LIMS1: variants seen among roughly 807,000 people sequenced by gnomAD.
LIMS1 encodes the protein LIM zinc finger domain containing 1.
In LIMS1, 18 loss-of-function variants were observed where a neutral mutation model predicts 44.1. The observed-to-expected ratio is 0.41, with a 90% confidence interval of 0.28 to 0.61. LIMS1 has a LOEUF of 0.61. Among genes scored for constraint, LIMS1 ranks in the 20% least tolerant of loss-of-function variants. The pLI, the probability that LIMS1 is intolerant of heterozygous loss-of-function variation, is 0.32. For missense variants in LIMS1, 201 were observed against 422.0 expected, an observed-to-expected ratio of 0.48 and a Z score of 4.59; for synonymous variants, 93 against 149.1, an observed-to-expected ratio of 0.62 and a Z score of 2.74.
intron 2 of LIMS1, among the ~76,000 whole-genome samples, chr2:108,666,185 G>A (rs1691747902): frequency 6.6e-6 from 1 of 152,192 alleles, no homozygotes; most frequent in Non-Finnish European, 1.5e-5. Flanking sequence ...GCCCCAGATT[G>A]CTTCACCTGT....
At chr2:108,643,115 G>T (rs1257125031) in intron 1 of LIMS1, among the ~76,000 whole-genome samples, 1 of 152,234 alleles carries the variant, frequency 6.6e-6, no homozygotes, top group Non-Finnish European at 1.5e-5. Flanking sequence ...GTGGGGTTCA[G>T]ACCTGTCCTG....
intron 1 of LIMS1, among the ~76,000 whole-genome samples, chr2:108,650,521 G>A (rs141457266): frequency 3.3e-5 from 5 of 151,692 alleles, no homozygotes; most frequent in African/African-American, 7.3e-5. Context: ...AGGTTCAGGC[G>A]ATTCTCCTGC....
intron 1 of LIMS1, among the ~76,000 whole-genome samples, chr2:108,542,139 A>G (rs1331334731): frequency 6.6e-6 from 1 of 152,242 alleles, no homozygotes; most frequent in East Asian, 1.9e-4. Flanking sequence ...ATAAATTCAC[A>G]AAACTTTGAG....
chr2:108,631,011 G>A (rs988909719), intron 1 of LIMS1, among the ~76,000 whole-genome samples: 2 of 152,192 alleles, frequency 1.3e-5, no homozygotes, highest in African/African-American at 4.8e-5. Context: ...AGCAGGGATG[G>A]AATTGTTTGA....
At chr2:108,667,829 T>C (rs1297881828) in intron 2 of LIMS1, among the ~76,000 whole-genome samples, 1 of 152,126 alleles carries the variant, frequency 6.6e-6, no homozygotes, top group African/African-American at 2.4e-5. Context: ...CCTATGCACA[T>C]CCTCCTGTAT....
At chr2:108,681,376 T>C (rs1692982360) in intron 9 of LIMS1, 1 of 983,952 alleles carries the variant, frequency 1.0e-6, no homozygotes, top group Non-Finnish European at 1.2e-6. Flanking sequence ...TCACTTACTC[T>C]GTAGACTCAC....
chr2:108,651,503 T>A (rs1320266661), intron 1 of LIMS1, among the ~76,000 whole-genome samples: 1 of 152,282 alleles, frequency 6.6e-6, no homozygotes, highest in Admixed American at 6.5e-5. Context: ...CTGTTTTACA[T>A]TCATATAAAA....
chr2:108,596,807 C>G (rs1002720186), intron 1 of LIMS1, among the ~76,000 whole-genome samples: 3 of 149,748 alleles, frequency 2.0e-5, no homozygotes, highest in Non-Finnish European at 3.0e-5. Flanking sequence ...ACAACAAGAG[C>G]AAAACTCCGT....
chr2:108,574,824 T>C (rs1434233574), intron 1 of LIMS1, among the ~76,000 whole-genome samples: 1 of 152,216 alleles, frequency 6.6e-6, no homozygotes, highest in Non-Finnish European at 1.5e-5. Context: ...GCTACGTTTT[T>C]TTGGTGAAGG....
intron 1 of LIMS1, among the ~76,000 whole-genome samples, chr2:108,636,581 A>G (rs573915995): frequency 5.3e-5 from 8 of 152,360 alleles, no homozygotes; most frequent in South Asian, 4.1e-4. Flanking sequence ...CAGAGGTAGC[A>G]GTAACTGCAT....
chr2:108,534,683 C>A, intron 1 of LIMS1, 89 bp downstream of exon 1: 1 of 744,612 alleles, frequency 1.3e-6, no homozygotes, highest in Non-Finnish European at 1.6e-6. Flanking sequence ...CTGGCGCGGG[C>A]GGGCGGCCGG....
intron 1 of LIMS1, among the ~76,000 whole-genome samples, chr2:108,650,319 CT>C: frequency 6.6e-6 from 1 of 152,122 alleles, no homozygotes; most frequent in East Asian, 1.9e-4. Context: ...TAACATATTT[CT>C]TTTAGCTTTA....
chr2:108,573,663 T>G (rs1685566687), intron 1 of LIMS1, among the ~76,000 whole-genome samples: 2 of 152,202 alleles, frequency 1.3e-5, no homozygotes, highest in African/African-American at 4.8e-5. Flanking sequence ...CAGAACTCTC[T>G]GTCTTCATGG....
chr2:108,644,569 A>G (rs894597625), intron 1 of LIMS1, among the ~76,000 whole-genome samples: 1 of 152,160 alleles, frequency 6.6e-6, no homozygotes, highest in African/African-American at 2.4e-5. Flanking sequence ...TGAAAATTCC[A>G]AAAACCAGAA....
intron 2 of LIMS1, among the ~76,000 whole-genome samples, chr2:108,669,228 T>A (rs2148992034): frequency 6.6e-6 from 1 of 152,058 alleles, no homozygotes; most frequent in Admixed American, 6.6e-5. Context: ...GCCAACATGG[T>A]GAAACCCCAT....
In LIMS1 at chr2:108,544,868, G is replaced by C. The variant is rs139130644; in HGVS notation, c.32+10274G>C. ...CTTTTTTCACTCTTCTCTCCCCTGT[G>C]TCATATCATAGAGATTTTAATATGT... On this transcript the variant is annotated intron_variant, in intron 1 of 9. Transcript: ENST00000544547. Among the ~76,000 whole-genome samples, 317 of 152,204 alleles carry C rather than the reference G, an allele frequency of 2.1e-3. 3 individuals carry two copies. Among genetic ancestry groups the C allele is most frequent in the African/African-American group, 7.3e-3 (303 of 41,522 alleles).
chr2:108,551,810 A>G (rs1684732347), intron 1 of LIMS1, among the ~76,000 whole-genome samples: 1 of 146,610 alleles, frequency 6.8e-6, no homozygotes, highest in South Asian at 2.1e-4. Flanking sequence ...ATATATGTAT[A>G]TGATATACAA....
chr2:108,547,245 A>C (rs1684509931), intron 1 of LIMS1, among the ~76,000 whole-genome samples: 1 of 152,224 alleles, frequency 6.6e-6, no homozygotes, highest in African/African-American at 2.4e-5. Flanking sequence ...ATAGTCAGGC[A>C]GGACATCCTT....
intron 5 of LIMS1, chr2:108,673,711 G>C (rs914055270): frequency 5.9e-5 from 9 of 152,074 alleles, no homozygotes; most frequent in African/African-American, 2.2e-4. Context: ...CTCTTATTAT[G>C]CCTAAGAAAA....
Sources: allele counts gnomAD v4.1 joint callset (sites outside exome capture counted in the v4.1 genomes callset), GRCh38; gene constraint gnomAD v4.1.1; transcripts MANE v1.5; gene names NCBI Gene and HGNC (gene_info 2026-07-23, HGNC 2026-07-21).